Variants in PDE11A observed in about 807,000 individuals in gnomAD.
The protein encoded by PDE11A is dual 3',5'-cyclic-AMP and -GMP phosphodiesterase 11A.
A neutral mutation model predicts 100.5 loss-of-function variants in PDE11A; 100 were observed. The observed-to-expected ratio is 1.00, with a 90% CI of 0.85 to 1.18. PDE11A has a LOEUF of 1.18. PDE11A is among the 50% of genes most tolerant of loss of function. The pLI is 0.00. For missense variants in PDE11A, 1,141 were observed against 1,152.6 expected (o/e 0.99, Z 0.15); for synonymous variants, 381 against 420.8 (o/e 0.91, Z 1.16).
intron 9 of PDE11A, among the ~76,000 whole-genome samples, chr2:177,815,110 G>A (rs1011674830): frequency 1.3e-5 from 2 of 152,138 alleles, no homozygotes; most frequent in African/African-American, 4.8e-5. Context: ...GAAAAACAAT[G>A]GGTGAAGCAA....
chr2:177,934,994 T>A (rs1372076413), intron 2 of PDE11A, among the ~76,000 whole-genome samples: 3 of 152,166 alleles, frequency 2.0e-5, no homozygotes, highest in African/African-American at 7.2e-5. Context: ...TGAGAAACTG[T>A]TGAGTACTAT....
intron 2 of PDE11A, among the ~76,000 whole-genome samples, chr2:177,966,569 A>G (rs2085701079): frequency 6.6e-6 from 1 of 151,720 alleles, no homozygotes; most frequent in Non-Finnish European, 1.5e-5. Context: ...ACATGAAGAG[A>G]TGTTCAATTT....
intron 12 of PDE11A, among the ~76,000 whole-genome samples, chr2:177,719,251 A>G (rs2081489660): frequency 6.6e-6 from 1 of 152,158 alleles, no homozygotes; most frequent in Non-Finnish European, 1.5e-5. Flanking sequence ...ATGATAAGGG[A>G]TTTCCTGATG....
chr2:177,719,582 C>A (rs1304869120), intron 12 of PDE11A, among the ~76,000 whole-genome samples: 1 of 152,126 alleles, frequency 6.6e-6, no homozygotes, highest in African/African-American at 2.4e-5. Flanking sequence ...CAAGGAGGTG[C>A]CTCCTCTAGA....
At chr2:177,972,043 TGATACC>T (rs2105797794) in intron 2 of PDE11A, among the ~76,000 whole-genome samples, 1 of 152,274 alleles carries the variant, frequency 6.6e-6, no homozygotes, top group East Asian at 1.9e-4. Context: ...TAGATGAAAG[TGATACC>T]AGCAGTAGGA....
intron 2 of PDE11A, among the ~76,000 whole-genome samples, chr2:177,994,702 ATGTAAGAAGCAGT>A (rs1032543624): frequency 6.6e-6 from 1 of 152,228 alleles, no homozygotes; most frequent in Non-Finnish European, 1.5e-5. Flanking sequence ...GAAGACAAGA[ATGTAAGAAGCAGT>A]TTGGTTTCCC....
At chr2:178,100,683 A>G (rs1229948957) in intron 2 of PDE11A, among the ~76,000 whole-genome samples, 6 of 152,190 alleles carry the variant, frequency 3.9e-5, no homozygotes, top group Non-Finnish European at 7.4e-5. Flanking sequence ...AAATAATCCA[A>G]TTTAGGGAAA....
intron 2 of PDE11A, among the ~76,000 whole-genome samples, chr2:177,983,843 T>C (rs1417973103): frequency 6.6e-6 from 1 of 152,214 alleles, no homozygotes; most frequent in Non-Finnish European, 1.5e-5. Flanking sequence ...GTAATCTGAT[T>C]GTTTCAGTCA....
At chr2:178,031,242 T>C (rs753187275) in intron 1 of PDE11A, among the ~76,000 whole-genome samples, 5 of 152,194 alleles carry the variant, frequency 3.3e-5, no homozygotes, top group Non-Finnish European at 7.3e-5. Context: ...ACCTAATGAT[T>C]AAACTGAAAG....
intron 6 of PDE11A, among the ~76,000 whole-genome samples, chr2:177,820,533 T>C (rs1012957618): frequency 6.6e-6 from 1 of 151,912 alleles, no homozygotes. Context: ...AAAACCAACA[T>C]GACCTCCTTC....
At chr2:177,665,140 G>C (rs1217578135) in intron 18 of PDE11A, among the ~76,000 whole-genome samples, 1 of 152,038 alleles carries the variant, frequency 6.6e-6, no homozygotes, top group Admixed American at 6.6e-5. Context: ...GCTGGAGAGA[G>C]GGATAGTTCT....
intron 19 of PDE11A, among the ~76,000 whole-genome samples, chr2:177,642,402 C>G (rs181332998): frequency 2.0e-5 from 3 of 152,310 alleles, no homozygotes; most frequent in Non-Finnish European, 4.4e-5. Flanking sequence ...GAGGCAAGGA[C>G]TTAAATAGCT....
At chr2:178,097,407 G>A (rs2087507802) in intron 2 of PDE11A, among the ~76,000 whole-genome samples, 1 of 152,152 alleles carries the variant, frequency 6.6e-6, no homozygotes, top group African/African-American at 2.4e-5. Flanking sequence ...TTCTTCACAA[G>A]GTGGCAGGAG....
intron 9 of PDE11A, among the ~76,000 whole-genome samples, chr2:177,789,184 T>C (rs1180454153): frequency 1.3e-5 from 2 of 152,174 alleles, no homozygotes; most frequent in African/African-American, 2.4e-5. Context: ...AAAAAGCTTA[T>C]GCACCATGAT....
chr2:178,036,230 A>G (rs528578352), intron 1 of PDE11A, among the ~76,000 whole-genome samples: 3 of 152,322 alleles, frequency 2.0e-5, no homozygotes, highest in East Asian at 3.9e-4. Context: ...TATATCAACA[A>G]TAGATGAGCA....
At chr2:177,919,304 G>T (rs1393370450) in intron 2 of PDE11A, among the ~76,000 whole-genome samples, 1 of 151,806 alleles carries the variant, frequency 6.6e-6, no homozygotes, top group East Asian at 1.9e-4. Flanking sequence ...TCACCATATT[G>T]ACCAGGCTGG....
At chr2:178,094,940 A>T (rs2087469505) in intron 2 of PDE11A, among the ~76,000 whole-genome samples, 1 of 152,154 alleles carries the variant, frequency 6.6e-6, no homozygotes, top group Non-Finnish European at 1.5e-5. Flanking sequence ...TGCCCCCATG[A>T]TCCAATCACC....
chr2:178,068,562 G>C (rs1007701035), intron 1 of PDE11A, among the ~76,000 whole-genome samples: 4 of 152,040 alleles, frequency 2.6e-5, no homozygotes, highest in African/African-American at 9.7e-5. Context: ...TACACTGTCT[G>C]AAGCTGAGCA....
intron 12 of PDE11A, among the ~76,000 whole-genome samples, chr2:177,727,179 G>C (rs2081612307): frequency 6.6e-6 from 1 of 151,928 alleles, no homozygotes; most frequent in Non-Finnish European, 1.5e-5. Flanking sequence ...CCTGGAGAGT[G>C]CGCACTCTTA....
Sources: gnomAD v4.1 joint callset for allele counts (sites outside exome capture counted in the v4.1 genomes callset) on GRCh38, gnomAD v4.1.1 for gene constraint, MANE v1.5 for transcripts, NCBI Gene and HGNC (gene_info 2026-07-23, HGNC 2026-07-21) for gene names.